Variants in PCDH12 observed in about 807,000 individuals in gnomAD.
PCDH12 encodes protocadherin-12.
In PCDH12, 45 loss-of-function variants were observed where a neutral mutation model predicts 70.9. The observed-to-expected ratio is 0.63, with a 90% confidence interval of 0.50 to 0.81. PCDH12 has a LOEUF of 0.81. PCDH12 is among the 40% of genes least tolerant of loss of function. PCDH12 has a pLI of 0.00. For missense variants in PCDH12, 1,370 were observed against 1,491.7 expected, an observed-to-expected ratio of 0.92 and a Z score of 1.34; for synonymous variants, 567 against 626.0, an observed-to-expected ratio of 0.91 and a Z score of 1.41.
rs932385420 is a variant in PCDH12, at chr5:141,945,123, A to G, written c.*258T>C. On this transcript the variant is annotated 3_prime_UTR_variant, in exon 4 of 4. Transcript: ENST00000231484. ...AGAGGACTGACCCTTTGTGCTCCAC[A>G]TATGTTTTGCCAGGAAACACTTATC... The G allele has an allele frequency of 9.5e-6, 5 of 528,778 alleles. No homozygotes were observed. The highest frequency in any genetic ancestry group is 3.2e-5 in the East Asian group (1 of 30,906). 32.8% of individuals were successfully genotyped at this position (528,778 alleles called of 1,614,324 possible). A position where few individuals can be genotyped will look rare whatever the true frequency, so the allele number is the denominator to read the frequency against.
Position 141,955,042 on chromosome 5 carries a change from C to T in PCDH12, c.2810G>A (p.Arg937Gln), listed in dbSNP as rs780344780. 8.7e-6 allele frequency: 14 copies of T among 1,614,104 alleles called. No individual in the cohort carries two copies. Among genetic ancestry groups the T allele is most frequent in the South Asian group, 2.2e-5 (2 of 91,090 alleles). ...CTCGGCGAAGGCAGCCACAGACAGC[C>T]GGACCAGGCTCCGCAGGATCTGACG... ...GPRQILRSLV[R>Q]LSVAAFAERN... The change falls in exon 1 of 4, where the codon CGG becomes CAG. Residue 937 changes from arginine to glutamine, a missense_variant. Physicochemically the swap from Arg to Gln is conservative, Grantham distance 43 (BLOSUM62 1). Transcript: ENST00000231484. This position sits in a 1 kb window ranked among gnomAD's most constrained non-coding sequence, Gnocchi z 5.5.
chr5:141,952,845 T>C (rs1753112015), intron 1 of PCDH12: 1 of 152,228 alleles, frequency 6.6e-6, no homozygotes, highest in Non-Finnish European at 1.5e-5. Context: ...AAACACTGCT[T>C]CCTCCTCCTG....
rs1753013166 is a variant in PCDH12 at position 141,949,004 on chromosome 5, A to G, written c.3130+428T>C. ...TGAGGTGGGTGGATTGCTTGAGCCC[A>G]GGAGTTGGAGACCAGCCTGGGCAAC... On this transcript the variant is annotated intron_variant, in intron 3 of 3. Transcript: ENST00000231484. Among the ~76,000 whole-genome samples the G allele has an allele frequency of 3.3e-5, 5 of 151,492 alleles. No individual in the cohort carries two copies. In the South Asian group the frequency reaches 1.0e-3, roughly 32 times the overall value.
intron 3 of PCDH12, 50 bp from the exon 4 acceptor site, chr5:141,945,855 A>G: frequency 1.3e-6 from 2 of 1,552,272 alleles, no homozygotes; most frequent in East Asian, 2.2e-5. Context: ...GGGAAGGGCC[A>G]GGCGGGTGAG....
intron 1 of PCDH12, 34 bp from the exon 2 acceptor site, chr5:141,951,624 A>G (rs1753084125): frequency 4.8e-6 from 7 of 1,473,226 alleles, no homozygotes; most frequent in Non-Finnish European, 6.7e-6. Flanking sequence ...GACTCCACAC[A>G]ATTCCGACTC....
At chr5:141,948,674 A>G (rs1753004469) in intron 3 of PCDH12, among the ~76,000 whole-genome samples, 3 of 152,214 alleles carry the variant, frequency 2.0e-5, no homozygotes, top group Admixed American at 1.3e-4. Flanking sequence ...AGAAGTCCAT[A>G]GAGGACAGGC....
In PCDH12 at chr5:141,957,107, G is replaced by A; in HGVS notation, c.745C>T (p.Leu249=). The A allele has an allele frequency of 1.2e-6, 2 of 1,614,168 alleles. No individual in the cohort carries two copies. Among genetic ancestry groups the A allele is most frequent in the South Asian group, 2.2e-5 (2 of 91,080 alleles). ...DNSPAFAESS[L]ALEIQEDAAP... is the part of the protein sequence containing the mutation. ...GCATCTTCTTGGATTTCCAGTGCCA[G>A]TGAACTCTCAGCAAACGCAGGGCTA... Residue 249 remains leucine, a synonymous_variant, in exon 1 of 4, where the codon CTG becomes TTG. Coordinates refer to ENST00000231484, the MANE Select transcript of PCDH12 (RefSeq NM_016580.4). This position sits in a 1 kb window ranked among gnomAD's most constrained non-coding sequence, Gnocchi z 4.3.
chr5:141,948,797 T>C (rs1354420712), intron 3 of PCDH12, among the ~76,000 whole-genome samples: 3 of 152,170 alleles, frequency 2.0e-5, no homozygotes, highest in Non-Finnish European at 2.9e-5. Context: ...GTAATAATTA[T>C]CTACTTGAGG....
rs781200540 is a variant in PCDH12 at position 141,956,932 on chromosome 5, C to T, written c.920G>A (p.Arg307His). The T allele has an allele frequency of 8.9e-5, 144 of 1,614,106 alleles. 1 individual carries two copies. In the Middle Eastern group the frequency reaches 1.3e-3, roughly 15 times the overall value. The change falls in exon 1 of 4, where the codon CGT (arginine) becomes CAT (histidine). Residue 307 changes from arginine to histidine, a missense_variant. Physicochemically the swap from Arg to His is conservative, Grantham distance 29 (BLOSUM62 0). Coordinates refer to ENST00000231484, the MANE Select transcript of PCDH12 (RefSeq NM_016580.4). ...GTTCTTTTCATAGTCTAGAGGTCGA[C>T]GCAGAATGACCTGGCCTGTCTTGGC... ...IDAKTGQVILRRPLDYEKNPA... is the reference protein window; with the variant it reads ...IDAKTGQVILHRPLDYEKNPA...
chr5:141,949,385 C>T, intron 3 of PCDH12, 47 bp downstream of exon 3: 1 of 1,563,384 alleles, frequency 6.4e-7, no homozygotes, highest in Non-Finnish European at 8.6e-7. Context: ...GAAGCTTGGA[C>T]ACCATGGGGC....
At position 141,956,830 on chromosome 5, in the gene PCDH12, T is replaced by C; in HGVS notation, c.1022A>G (p.Lys341Arg). The C allele has an allele frequency of 1.2e-6, 2 of 1,614,244 alleles. No individual in the cohort carries two copies. The highest frequency in any genetic ancestry group is 3.3e-4 in the Middle Eastern group (2 of 6,062). Residue 341 changes from lysine (K) to arginine (R), a missense_variant, in exon 1 of 4, where the codon AAG becomes AGG. Coordinates refer to ENST00000231484, the MANE Select transcript of PCDH12 (RefSeq NM_016580.4). Reference protein sequence around the residue: ...PIPAHCKVLIKVLDVNDNIPS... With the variant: ...PIPAHCKVLIRVLDVNDNIPS... ...GATGTTGTCATTGACATCCAGAACCTTGATGAGAACTTTGCAATGGGCTGG... is the reference window on the plus strand; with the variant it reads ...GATGTTGTCATTGACATCCAGAACCCTGATGAGAACTTTGCAATGGGCTGG...
chr5:141,956,730 A>T lies in PCDH12; in HGVS notation c.1122T>A (p.Ala374=). The T allele has an allele frequency of 6.2e-7, 1 of 1,614,234 alleles. No homozygotes were observed. Among genetic ancestry groups the T allele is most frequent in the African/African-American group, 1.3e-5 (1 of 75,060 alleles). ...SEALPKDSFI[A]LVMADDLDSG... is the part of the protein sequence containing the mutation. Reference sequence around the variant, plus strand: ...AATCCAAGTCATCTGCCATGACAAGAGCAATAAAACTGTCCTTGGGAAGAG... The same window carrying T: ...AATCCAAGTCATCTGCCATGACAAGTGCAATAAAACTGTCCTTGGGAAGAG... Residue 374 remains alanine, a synonymous_variant, in exon 1 of 4, where the codon GCT becomes GCA. Transcript: ENST00000231484.
Position 141,957,755 on chromosome 5 carries a change from T to G in PCDH12, c.97A>C (p.Lys33Gln). Residue 33 changes from lysine (K) to glutamine (Q), a missense_variant, in exon 1 of 4, where the codon AAA becomes CAA. Coordinates refer to ENST00000231484, the MANE Select transcript of PCDH12 (RefSeq NM_016580.4). This position sits in a 1 kb window ranked among gnomAD's most constrained non-coding sequence, Gnocchi z 4.3. Reference protein sequence around the residue: ...DCQEVTTLTVKYQVSEEVPSG... With the variant: ...DCQEVTTLTVQYQVSEEVPSG... ...GGCACTTCCTCTGACACTTGGTATT[T>G]CACCGTGAGAGTGGTCACCTCCTGA... 1 of 1,612,546 alleles carries G rather than the reference T, an allele frequency of 6.2e-7. No homozygotes were observed. The highest frequency in any genetic ancestry group is 8.5e-7 in the Non-Finnish European group (1 of 1,180,022).
rs1753031358 is a variant in PCDH12 at position 141,949,559 on chromosome 5, G to T, written c.3003C>A (p.Gly1001=). The T allele has an allele frequency of 6.2e-7, 1 of 1,613,916 alleles. No homozygotes were observed. The highest frequency in any genetic ancestry group is 1.1e-5 in the South Asian group (1 of 91,062). ...TCTGGCCTCCAGCCCTTGCACTTGG[G>T]CCATCTGTGTCTGGGATTGCACTCC... ...GSRSAIPDTD[G]PSARAGGQTD... is the part of the protein sequence containing the mutation. The change falls in exon 3 of 4, where the codon GGC becomes GGA. Residue 1001 remains glycine (G), a synonymous_variant. Coordinates refer to ENST00000231484, the MANE Select transcript of PCDH12 (RefSeq NM_016580.4).
At position 141,945,526 on chromosome 5, in the gene PCDH12, C is replaced by T. The variant is rs530821223; in HGVS notation, c.3410G>A (p.Arg1137Gln). The change falls in exon 4 of 4, where the codon CGG (arginine) becomes CAG (glutamine). Residue 1137 changes from arginine (R) to glutamine (Q), a missense_variant. Physicochemically the swap from Arg to Gln is conservative, Grantham distance 43 (BLOSUM62 1). Transcript: ENST00000231484. ...GGTCCTCCCGCAGACCGAGAGCCGC[C>T]GCAGCGCCTCGGAGGCGGCCTCCAC... is the stretch of plus-strand genomic sequence containing the variant. ...MPVEAASEAL[R>Q]RLSVCGRTLS... 2.1e-4 allele frequency: 338 copies of T among 1,613,910 alleles called. No homozygotes were observed. The highest frequency in any genetic ancestry group is 4.2e-5 in the Non-Finnish European group (49 of 1,179,962).
intron 1 of PCDH12, among the ~76,000 whole-genome samples, chr5:141,954,157 G>A (rs1302425181): frequency 6.6e-6 from 1 of 152,184 alleles, no homozygotes; most frequent in African/African-American, 2.4e-5. Context: ...ACGTGTACAA[G>A]GTTGCCCAGC....
chr5:141,952,700 A>G (rs956869073), intron 1 of PCDH12: 1 of 152,254 alleles, frequency 6.6e-6, no homozygotes, highest in African/African-American at 2.4e-5. Flanking sequence ...AGACCTCCTC[A>G]GACCTCAGTT....
In PCDH12 at chr5:141,956,998, T is replaced by C; in HGVS notation, c.854A>G (p.Lys285Arg). 1 of 1,614,196 alleles carries C rather than the reference T, an allele frequency of 6.2e-7. No homozygotes were observed. Among genetic ancestry groups the C allele is most frequent in the Non-Finnish European group, 8.5e-7 (1 of 1,180,038 alleles). The change falls in exon 1 of 4, where the codon AAG (lysine) becomes AGG (arginine). Residue 285 changes from lysine to arginine, a missense_variant. Coordinates refer to ENST00000231484, the MANE Select transcript of PCDH12 (RefSeq NM_016580.4). ...PNGEVEFFLS[K>R]HMPPEVLDTF... ...GTCCAGCACCTCTGGAGGCATGTGC[T>C]TACTGAGGAAGAACTCCACCTCCCC... is the stretch of plus-strand genomic sequence containing the variant.
In PCDH12 at chr5:141,955,019, C is replaced by A; in HGVS notation, c.2833G>T (p.Glu945Ter). 3 of 1,614,156 alleles carry A rather than the reference C, an allele frequency of 1.9e-6. No homozygotes were observed. The highest frequency in any genetic ancestry group is 2.5e-6 in the Non-Finnish European group (3 of 1,179,998). Reference protein sequence around the residue: ...LVRLSVAAFAERNPVEELTVD... With the variant: ...LVRLSVAAFA ...GTGAGCTCCTCCACGGGGTTCCGCT[C>A]GGCGAAGGCAGCCACAGACAGCCGG... The change falls in exon 1 of 4, where the codon GAG (glutamate) becomes TAG (stop). Residue 945 changes from glutamate (E) to a stop codon, truncating the protein, a stop_gained. Coordinates refer to ENST00000231484, the MANE Select transcript of PCDH12 (RefSeq NM_016580.4). LOFTEE classifies it high-confidence loss of function. This position sits in a 1 kb window ranked among gnomAD's most constrained non-coding sequence, Gnocchi z 5.5.
Sources: gnomAD v4.1 joint callset for allele counts (sites outside exome capture counted in the v4.1 genomes callset) on GRCh38, gnomAD v4.1.1 for gene constraint, Gnocchi (gnomAD v3.1) non-coding constraint, MANE v1.5 for transcripts, NCBI Gene and HGNC (gene_info 2026-07-23, HGNC 2026-07-21) for gene names.